The following ANGPTL6 variants were observed in gnomAD, a reference collection of about 807,000 sequenced individuals.
The protein encoded by ANGPTL6 is angiopoietin-related protein 6.
Under a neutral mutation model 47.4 loss-of-function variants are expected in ANGPTL6, and 45 were observed. That is an observed-to-expected ratio of 0.95 (90% confidence interval 0.75 to 1.22). The LOEUF is 1.22. Among genes scored for constraint, ANGPTL6 ranks in the 50% most tolerant of loss-of-function variants. ANGPTL6 has a pLI of 0.00. For missense variants in ANGPTL6, 698 were observed against 669.4 expected (o/e 1.04, Z -0.47); for synonymous variants, 290 against 295.9 (o/e 0.98, Z 0.20).
At chr19:10,097,682 T>C (rs1340637296) in intron 1 of ANGPTL6, among the ~76,000 whole-genome samples, 3 of 151,576 alleles carry the variant, frequency 2.0e-5, no homozygotes, top group Non-Finnish European at 2.9e-5. Flanking sequence ...TGAAACCCCA[T>C]CTCTACTAAA....
At chr19:10,096,633 G>A (rs1173745045) in intron 1 of ANGPTL6, 60 bp from the exon 2 acceptor site, 1 of 1,288,866 alleles carries the variant, frequency 7.8e-7, no homozygotes, top group Non-Finnish European at 1.0e-6. Flanking sequence ...AGACCCCTCC[G>A]CTTCCACGCG....
rs535165752 is a variant in ANGPTL6 at position 10,099,352 on chromosome 19, G to A, written c.-10-2779C>T. Among the ~76,000 whole-genome samples, 56 of 152,110 alleles carry A rather than the reference G, an allele frequency of 3.7e-4. No individual in the cohort carries two copies. In the South Asian group the frequency reaches 9.3e-3, roughly 25 times the overall value. ...AGCACTTTGGGAGGCGGAGGCGGGC[G>A]GATCACGAGGTCAGGAGATCGAGAC... On this transcript the variant is annotated intron_variant, in intron 1 of 5. Transcript: ENST00000253109.
Position 10,092,349 on chromosome 19 carries a change from T to C in ANGPTL6, c.*240A>G. 1 of 1,546,918 alleles carries C rather than the reference T, an allele frequency of 6.5e-7. No homozygotes were observed. The highest frequency in any genetic ancestry group is 8.7e-7 in the Non-Finnish European group (1 of 1,147,092). On this transcript the variant is annotated 3_prime_UTR_variant, in exon 6 of 6. Coordinates refer to ENST00000253109, the MANE Select transcript of ANGPTL6 (RefSeq NM_031917.3). ...AACCAGACACGGTCTGTGGCTACTT[T>C]GTGTTATTATAAGATATGAGCTCAA...
At chr19:10,095,074 C>G in intron 2 of ANGPTL6, 136 bp from the exon 3 acceptor site, 1 of 947,396 alleles carries the variant, frequency 1.1e-6, no homozygotes, top group Non-Finnish European at 1.5e-6. Context: ...TGTCCCAGCC[C>G]TAGGAATGAT....
upstream of ANGPTL6, among the ~76,000 whole-genome samples, chr19:10,104,357 G>A (rs919815693): frequency 2.1e-5 from 3 of 146,172 alleles, no homozygotes; most frequent in Non-Finnish European, 4.5e-5. Flanking sequence ...TAGTTTTATG[G>A]TTCTGAGTTG....
At position 10,102,592 on chromosome 19, in the gene ANGPTL6, C is replaced by T; in HGVS notation, c.-35G>A. On this transcript the variant is annotated 5_prime_UTR_variant, in exon 1 of 6. Transcript: ENST00000253109. ...CCTCTGATGCCCAAGACCCTGAATCCAGCGAAGCTCACAGAACACACAAGA... is the reference window on the plus strand; with the variant it reads ...CCTCTGATGCCCAAGACCCTGAATCTAGCGAAGCTCACAGAACACACAAGA... The T allele has an allele frequency of 2.1e-5, 21 of 984,626 alleles. No homozygotes were observed. The highest frequency in any genetic ancestry group is 2.5e-5 in the Non-Finnish European group (21 of 829,360). The allele number at this position is 984,626 out of a possible 1,614,324, so 61.0% of individuals were successfully genotyped here. A position where few individuals can be genotyped will look rare whatever the true frequency, so the allele number is the denominator to read the frequency against.
At chr19:10,104,326 G>A (rs1018130848), upstream of ANGPTL6, among the ~76,000 whole-genome samples, 57 of 151,466 alleles carry the variant, frequency 3.8e-4, no homozygotes, top group Non-Finnish European at 7.2e-4. Flanking sequence ...TGGTGTGTGT[G>A]TGTGTGTGTG....
rs756828544 is a variant in ANGPTL6, at chr19:10,096,109, C to T, written c.455G>A (p.Arg152His). ...CAGCTGGTGGAACCGGGCGGCTGCG[C>T]GCTGAGCCTCGGCGGACGCGTTGAG... The part of the protein sequence containing the change: ...RVLNASAEAQ[R>H]AAARFHQLDV... The change falls in exon 2 of 6, where the codon CGC (arginine) becomes CAC (histidine). Residue 152 changes from arginine (R) to histidine (H), a missense_variant. Physicochemically the swap from Arg to His is conservative, Grantham distance 29. Transcript: ENST00000253109. 1 of 1,477,772 alleles carries T rather than the reference C, an allele frequency of 6.8e-7. No homozygotes were observed. The allele number at this position is 1,477,772 out of a possible 1,614,324, so 91.5% of individuals were successfully genotyped here.
upstream of ANGPTL6, among the ~76,000 whole-genome samples, chr19:10,103,830 C>T (rs1295584186): frequency 3.3e-5 from 5 of 150,756 alleles, no homozygotes; most frequent in East Asian, 1.9e-4. Context: ...CGCGGTGGCT[C>T]ACGCCTGTAA....
intron 1 of ANGPTL6, 166 bp downstream of exon 1, chr19:10,102,402 A>G: frequency 1.1e-5 from 2 of 181,080 alleles, no homozygotes; most frequent in Non-Finnish European, 2.1e-5. Context: ...ACCCCCCACA[A>G]CAGAGATTGA....
At chr19:10,096,611 TG>T in intron 1 of ANGPTL6, 38 bp from the exon 2 acceptor site, 1 of 1,429,466 alleles carries the variant, frequency 7.0e-7, no homozygotes, top group South Asian at 1.4e-5. Context: ...GACGGGGTGC[TG>T]GGGCCCAGCG....
chr19:10,101,448 G>A (rs972185569), intron 1 of ANGPTL6, among the ~76,000 whole-genome samples: 2 of 152,164 alleles, frequency 1.3e-5, no homozygotes, highest in African/African-American at 4.8e-5. Context: ...GGAAGAGAGA[G>A]AAGAGGAAGA....
intron 5 of ANGPTL6, 150 bp from the exon 6 acceptor site, chr19:10,092,929 AG>A (rs1342711456): frequency 7.2e-5 from 45 of 625,808 alleles, no homozygotes; most frequent in Non-Finnish European, 2.5e-6. Context: ...GCAAAAAAAT[AG>A]GAGCCCTGGC....
chr19:10,096,088 TG>T lies in ANGPTL6; in HGVS notation c.475del (p.Gln159SerfsTer124). The T allele has an allele frequency of 6.7e-7, 1 of 1,493,954 alleles. No individual in the cohort carries two copies. Among genetic ancestry groups the T allele is most frequent in the Non-Finnish European group, 8.9e-7 (1 of 1,123,970 alleles). 92.5% of individuals were successfully genotyped at this position (1,493,954 alleles called of 1,614,324 possible). ...EAQRAAARFH[Q>X]LDVKFRELAQ... ...CAGCTCGCGGAACTTGACGTCCAGC[TG>T]GTGGAACCGGGCGGCTGCGCGCTGA... On this transcript the variant is annotated frameshift_variant, in exon 2 of 6. Transcript: ENST00000253109. LOFTEE classifies it high-confidence loss of function.
intron 5 of ANGPTL6, chr19:10,092,991 C>T (rs1197709811): frequency 2.0e-6 from 1 of 503,024 alleles, no homozygotes; most frequent in Non-Finnish European, 3.4e-6. Flanking sequence ...TATCTCCTTA[C>T]CAAAGTACAA....
upstream of ANGPTL6, among the ~76,000 whole-genome samples, chr19:10,103,255 C>G (rs2088725599): frequency 6.6e-6 from 1 of 151,690 alleles, no homozygotes; most frequent in South Asian, 2.1e-4. Context: ...ACAGAGTGGA[C>G]ACAAACACAC....
chr19:10,094,741 C>A lies in ANGPTL6; in HGVS notation c.763+17G>T. 6.2e-7 allele frequency: 1 copy of A among 1,614,180 alleles called. No homozygotes were observed. The highest frequency in any genetic ancestry group is 2.2e-5 in the East Asian group (1 of 44,892). ...TTTTCCTCTACCCACAATTCCTCAGCCCTAATGTCGACTTACCCACAGGCT... is the reference window on the plus strand; with the variant it reads ...TTTTCCTCTACCCACAATTCCTCAGACCTAATGTCGACTTACCCACAGGCT... On this transcript the variant is annotated intron_variant, in intron 3 of 5. Coordinates refer to ENST00000253109, the MANE Select transcript of ANGPTL6 (RefSeq NM_031917.3).
chr19:10,106,106 A>G, upstream of ANGPTL6: 1 of 555,178 alleles, frequency 1.8e-6, no homozygotes, highest in South Asian at 2.2e-5. Flanking sequence ...GAATGCAGAA[A>G]GTGGTTTTAG....
At chr19:10,106,096 G>A (rs76874150), upstream of ANGPTL6, 1 of 543,696 alleles carries the variant, frequency 1.8e-6, no homozygotes, top group East Asian at 3.4e-5. Context: ...AGGAGCCTCG[G>A]AATGCAGAAA....
Sources: gnomAD v4.1 joint callset for allele counts (sites outside exome capture counted in the v4.1 genomes callset) on GRCh38, gnomAD v4.1.1 for gene constraint, MANE v1.5 for transcripts, NCBI Gene and HGNC (gene_info 2026-07-23, HGNC 2026-07-21) for gene names.